The following PCCA variants were observed in gnomAD, a reference collection of about 807,000 sequenced individuals.
PCCA encodes the protein propionyl-CoA carboxylase alpha chain, mitochondrial.
Under a neutral mutation model 101.3 loss-of-function variants are expected in PCCA, and 74 were observed. The ratio of observed to expected loss-of-function variants is 0.73; its 90% CI spans 0.61 to 0.89. PCCA has a LOEUF of 0.89. Ranked by LOEUF, PCCA falls within the 40% of genes least tolerant of loss-of-function variation. PCCA has a pLI of 0.00. For synonymous variants in PCCA, 294 were observed against 313.6 expected (o/e 0.94, Z 0.66); for missense variants, 891 against 907.0 (o/e 0.98, Z 0.23).
chr13:100,422,501 T>A (rs149518707), intron 19 of PCCA, among the ~76,000 whole-genome samples: 15 of 152,348 alleles, frequency 9.8e-5, no homozygotes, highest in African/African-American at 3.4e-4. Context: ...CAGGTTTTAC[T>A]TATTTTGACA....
chr13:100,492,796 A>G (rs553567487), intron 21 of PCCA, among the ~76,000 whole-genome samples: 1 of 151,414 alleles, frequency 6.6e-6, no homozygotes, highest in South Asian at 2.1e-4. Flanking sequence ...GCTTCTGAAC[A>G]TTGAGAGGAG....
chr13:100,470,026 A>G (rs1381063625), intron 21 of PCCA, among the ~76,000 whole-genome samples: 1 of 152,184 alleles, frequency 6.6e-6, no homozygotes, highest in Non-Finnish European at 1.5e-5. Flanking sequence ...GACAGACAAC[A>G]CAGTGGTTGC....
chr13:100,434,832 T>TCACGTAG (rs2079812555), intron 20 of PCCA, among the ~76,000 whole-genome samples: 1 of 152,244 alleles, frequency 6.6e-6, no homozygotes, highest in African/African-American at 2.4e-5. Flanking sequence ...GAAGTCGCTT[T>TCACGTAG]CACGTAGCTT....
intron 21 of PCCA, among the ~76,000 whole-genome samples, chr13:100,478,282 G>A (rs1418359701): frequency 6.6e-6 from 1 of 152,166 alleles, no homozygotes; most frequent in East Asian, 1.9e-4. Flanking sequence ...TGTGGCCTGT[G>A]GTCAGTGGGT....
chr13:100,248,000 C>A (rs1161431674), intron 8 of PCCA, among the ~76,000 whole-genome samples: 1 of 152,074 alleles, frequency 6.6e-6, no homozygotes, highest in Non-Finnish European at 1.5e-5. Context: ...TATTAATATT[C>A]CTAAACAAGC....
At chr13:100,173,545 C>T (rs1456581569) in intron 6 of PCCA, among the ~76,000 whole-genome samples, 1 of 152,134 alleles carries the variant, frequency 6.6e-6, no homozygotes, top group Non-Finnish European at 1.5e-5. Context: ...GTGTATTTAT[C>T]CTCTCAGGAA....
At chr13:100,244,007 CAT>C (rs751461753) in intron 8 of PCCA, among the ~76,000 whole-genome samples, 9 of 152,142 alleles carry the variant, frequency 5.9e-5, no homozygotes, top group Non-Finnish European at 1.3e-4. Context: ...AAAATTTTCA[CAT>C]GTTATATATG....
chr13:100,427,035 A>G (rs1300090), intron 20 of PCCA, among the ~76,000 whole-genome samples: 70,093 of 151,998 alleles, frequency 0.46, 18,761 homozygotes, highest in African/African-American at 0.72. Context: ...GGCCAAAGAC[A>G]GTGAAACCCT....
intron 10 of PCCA, among the ~76,000 whole-genome samples, chr13:100,263,732 A>C (rs2062684991): frequency 1.3e-5 from 2 of 152,054 alleles, no homozygotes; most frequent in Non-Finnish European, 2.9e-5. Context: ...TGCCTTTTTA[A>C]AAAGATTTTC....
At chr13:100,369,699 C>T (rs1346547508) in intron 19 of PCCA, among the ~76,000 whole-genome samples, 3 of 152,196 alleles carry the variant, frequency 2.0e-5, no homozygotes, top group African/African-American at 7.2e-5. Flanking sequence ...ATACTTCACT[C>T]AGCTCTCTTA....
chr13:100,300,237 T>C (rs1179928354), intron 12 of PCCA, among the ~76,000 whole-genome samples: 2 of 152,258 alleles, frequency 1.3e-5, no homozygotes, highest in Non-Finnish European at 2.9e-5. Context: ...ATTTTAGTGA[T>C]GATTTGTCAT....
At chr13:100,495,612 C>T (rs1039368516) in intron 21 of PCCA, among the ~76,000 whole-genome samples, 1 of 152,202 alleles carries the variant, frequency 6.6e-6, no homozygotes, top group Non-Finnish European at 1.5e-5. Context: ...TCCTGCTCTG[C>T]TGTCCAGTTT....
At chr13:100,524,090 A>G (rs571726400) in intron 22 of PCCA, among the ~76,000 whole-genome samples, 26 of 152,298 alleles carry the variant, frequency 1.7e-4, no homozygotes, top group Non-Finnish European at 3.2e-4. Context: ...ACGGTGTGCG[A>G]CACATTCTGC....
At chr13:100,154,949 A>G (rs745469743) in intron 4 of PCCA, 30 bp from the exon 5 acceptor site, 2 of 1,422,552 alleles carry the variant, frequency 1.4e-6, no homozygotes. Flanking sequence ...TGCTGGGCGC[A>G]TCTGTTAATG....
intron 19 of PCCA, among the ~76,000 whole-genome samples, chr13:100,373,850 A>C (rs1445553092): frequency 6.6e-6 from 1 of 152,136 alleles, no homozygotes; most frequent in Non-Finnish European, 1.5e-5. Context: ...AGTGGCTCAC[A>C]CCTGTAATCC....
chr13:100,228,126 C>T (rs2060254802), intron 7 of PCCA, among the ~76,000 whole-genome samples: 1 of 152,180 alleles, frequency 6.6e-6, no homozygotes, highest in South Asian at 2.1e-4. Flanking sequence ...ATCAATTCCC[C>T]TGCCTCAGCC....
At chr13:100,208,119 C>T (rs1252595492) in intron 6 of PCCA, among the ~76,000 whole-genome samples, 1 of 152,170 alleles carries the variant, frequency 6.6e-6, no homozygotes, top group East Asian at 1.9e-4. Context: ...AGAGGCCTGT[C>T]AGCTCAGCGT....
intron 9 of PCCA, among the ~76,000 whole-genome samples, chr13:100,262,012 T>G (rs1224714833): frequency 6.6e-6 from 1 of 152,148 alleles, no homozygotes; most frequent in East Asian, 1.9e-4. Flanking sequence ...CAAACAGATG[T>G]TTTTTTATAT....
intron 7 of PCCA, among the ~76,000 whole-genome samples, chr13:100,233,241 A>C (rs1225218596): frequency 6.6e-6 from 1 of 152,208 alleles, no homozygotes; most frequent in African/African-American, 2.4e-5. Context: ...TGACACCAGT[A>C]ATATGAGAAG....
Sources: allele counts gnomAD v4.1 joint callset (sites outside exome capture counted in the v4.1 genomes callset), GRCh38; gene constraint gnomAD v4.1.1; transcripts MANE v1.5; gene names NCBI Gene and HGNC (gene_info 2026-07-23, HGNC 2026-07-21).